Variants in SYNE1 observed in about 807,000 individuals in gnomAD.
SYNE1 encodes nesprin-1.
Under a neutral mutation model 1,111.0 loss-of-function variants are expected in SYNE1, and 616 were observed. The ratio of observed to expected loss-of-function variants is 0.55; its 90% CI spans 0.52 to 0.59. The LOEUF (loss-of-function observed/expected upper bound fraction) is 0.59, where lower values mean the gene tolerates loss of function less well. Among genes scored for constraint, SYNE1 ranks in the 20% least tolerant of loss-of-function variants. SYNE1 has a pLI of 0.00. For synonymous variants in SYNE1, 3,855 were observed against 3,825.8 expected, an observed-to-expected ratio of 1.01 and a Z score of -0.28; for missense variants, 10,006 against 10,417.0, an observed-to-expected ratio of 0.96 and a Z score of 1.72.
intron 110 of SYNE1, 56 bp downstream of exon 110, chr6:152,236,051 C>T: frequency 6.3e-7 from 1 of 1,576,342 alleles, no homozygotes; most frequent in Non-Finnish European, 8.7e-7. Flanking sequence ...CCGCACTAGC[C>T]TTATTAATAC....
intron 14 of SYNE1, among the ~76,000 whole-genome samples, chr6:152,473,661 T>C (rs2098819308): frequency 6.6e-6 from 1 of 152,142 alleles, no homozygotes; most frequent in South Asian, 2.1e-4. Context: ...AAACAGGTGT[T>C]CTTAGAGCAG....
At chr6:152,494,270 T>C (rs1221341306) in intron 11 of SYNE1, among the ~76,000 whole-genome samples, 1 of 152,186 alleles carries the variant, frequency 6.6e-6, no homozygotes, top group Non-Finnish European at 1.5e-5. Context: ...CCTTCAACTG[T>C]ACTCACTATT....
At chr6:152,184,914 A>C (rs2069366983) in intron 128 of SYNE1, among the ~76,000 whole-genome samples, 1 of 152,132 alleles carries the variant, frequency 6.6e-6, no homozygotes, top group Non-Finnish European at 1.5e-5. Context: ...GATTCAGATG[A>C]ACCCTCAAAT....
At chr6:152,453,756 A>G (rs1220860827) in intron 24 of SYNE1, 36 bp from the exon 25 acceptor site, 1 of 1,613,974 alleles carries the variant, frequency 6.2e-7, no homozygotes, top group Admixed American at 1.7e-5. Flanking sequence ...AGAGTGTTGG[A>G]CAGACGAAAA....
intron 56 of SYNE1, 96 bp downstream of exon 56, chr6:152,380,910 T>C (rs764578327): frequency 8.6e-7 from 1 of 1,160,692 alleles, no homozygotes; most frequent in Non-Finnish European, 1.3e-6. Flanking sequence ...GCATGTTGCG[T>C]GTTTTTAGTT....
intron 97 of SYNE1, among the ~76,000 whole-genome samples, chr6:152,279,233 A>C (rs1232865169): frequency 6.8e-6 from 1 of 146,162 alleles, no homozygotes; most frequent in Non-Finnish European, 1.5e-5. Context: ...TCTTCTTCCT[A>C]GATAAGACTT....
At chr6:152,306,030 G>A (rs951001560) in intron 91 of SYNE1, among the ~76,000 whole-genome samples, 5 of 152,214 alleles carry the variant, frequency 3.3e-5, no homozygotes, top group African/African-American at 9.6e-5. Context: ...TAATTAAGTA[G>A]CCCAGATAGT....
intron 134 of SYNE1, 120 bp downstream of exon 134, chr6:152,151,839 G>A (rs766887095): frequency 4.1e-5 from 61 of 1,484,050 alleles, no homozygotes; most frequent in Non-Finnish European, 5.1e-5. Context: ...ATCACTCCCC[G>A]GTTTACTCCT....
At chr6:152,555,182 T>C (rs2099360772) in intron 3 of SYNE1, among the ~76,000 whole-genome samples, 1 of 152,240 alleles carries the variant, frequency 6.6e-6, no homozygotes. Flanking sequence ...ATCTTTGTCA[T>C]AGATATGTTG....
intron 41 of SYNE1, among the ~76,000 whole-genome samples, chr6:152,413,882 A>G (rs1221995105): frequency 6.6e-6 from 1 of 152,074 alleles, no homozygotes; most frequent in Admixed American, 6.6e-5. Context: ...AATCTTTGGT[A>G]AGAAATGTTT....
chr6:152,570,816 C>T (rs1487483982), intron 3 of SYNE1, among the ~76,000 whole-genome samples: 1 of 152,086 alleles, frequency 6.6e-6, no homozygotes, highest in Non-Finnish European at 1.5e-5. Context: ...TTGTAGTGTA[C>T]CTCACTAAAG....
chr6:152,194,178 T>C (rs1005093605), intron 127 of SYNE1, among the ~76,000 whole-genome samples: 8 of 152,216 alleles, frequency 5.3e-5, no homozygotes, highest in Non-Finnish European at 2.9e-5. Flanking sequence ...TTAGTACTTC[T>C]TGTAGGTCAG....
rs71017538 is a variant in SYNE1 at position 152,465,766 on chromosome 6, T to TAC, written c.1729+214_1729+215dup. Among the ~76,000 whole-genome samples, 21,806 of 133,220 alleles carry TAC rather than the reference T, an allele frequency of 0.16. 1,846 individuals are homozygous for TAC. The highest frequency in any genetic ancestry group is 0.21 in the Non-Finnish European group (12,829 of 60,720). 87.4% of individuals were successfully genotyped at this position (133,220 alleles called of 152,430 possible). Reference sequence around the variant, plus strand: ...TTTTGTTCTCTCTTAGAAGAACACATACACACACACACACACACACACACA... The same window carrying TAC: ...TTTTGTTCTCTCTTAGAAGAACACATACACACACACACACACACACACACACA... On this transcript the variant is annotated intron_variant, in intron 17 of 145. Transcript: ENST00000367255.
intron 3 of SYNE1, among the ~76,000 whole-genome samples, chr6:152,590,020 G>A (rs1046633521): frequency 6.8e-6 from 1 of 147,754 alleles, no homozygotes. Flanking sequence ...CTGTAACCTC[G>A]AACCCTAGGC....
chr6:152,485,878 C>T (rs554845398), intron 12 of SYNE1, among the ~76,000 whole-genome samples: 3 of 152,082 alleles, frequency 2.0e-5, no homozygotes, highest in Non-Finnish European at 4.4e-5. Context: ...CTTTCATTTT[C>T]TCTAACTGAA....
At chr6:152,621,095 T>C (rs1565242114) in intron 3 of SYNE1, among the ~76,000 whole-genome samples, 1 of 152,168 alleles carries the variant, frequency 6.6e-6, no homozygotes, top group Non-Finnish European at 1.5e-5. Flanking sequence ...TTAGGAACAG[T>C]GACTTGAGCT....
intron 72 of SYNE1, among the ~76,000 whole-genome samples, chr6:152,348,897 T>C (rs1184323870): frequency 1.3e-5 from 2 of 152,066 alleles, no homozygotes; most frequent in Admixed American, 6.5e-5. Flanking sequence ...GCAGTTATCA[T>C]ATATGCTCAG....
At chr6:152,173,868 T>C (rs1450144576) in intron 130 of SYNE1, among the ~76,000 whole-genome samples, 1 of 152,224 alleles carries the variant, frequency 6.6e-6, no homozygotes, top group African/African-American at 2.4e-5. Context: ...AACATGTAAT[T>C]GATTCAAGTT....
At chr6:152,290,389 T>C (rs1024417388) in intron 95 of SYNE1, among the ~76,000 whole-genome samples, 1 of 152,166 alleles carries the variant, frequency 6.6e-6, no homozygotes, top group Non-Finnish European at 1.5e-5. Flanking sequence ...AAACCTCATC[T>C]CTACTAAAAA....
Sources: allele counts gnomAD v4.1 joint callset (sites outside exome capture counted in the v4.1 genomes callset), GRCh38; gene constraint gnomAD v4.1.1; transcripts MANE v1.5; gene names NCBI Gene and HGNC (gene_info 2026-07-23, HGNC 2026-07-21).